Variants in PALS1 observed in about 807,000 individuals in gnomAD.
PALS1 encodes protein PALS1.
Under a neutral mutation model 78.9 loss-of-function variants are expected in PALS1, and 31 were observed. That is an observed-to-expected ratio of 0.39 (90% CI 0.30 to 0.53). The LOEUF is 0.53. PALS1 is among the 20% of genes least tolerant of loss of function. The pLI is 0.67. For missense variants in PALS1, 704 were observed against 826.5 expected (o/e 0.85, Z 1.82); for synonymous variants, 276 against 270.9 (o/e 1.02, Z -0.18).
At chr14:67,313,087 C>T (rs1217976369) in intron 9 of PALS1, among the ~76,000 whole-genome samples, 1 of 152,118 alleles carries the variant, frequency 6.6e-6, no homozygotes, top group Non-Finnish European at 1.5e-5. Flanking sequence ...TATAAGGAGT[C>T]AGGAAAAGTA....
chr14:67,303,403 G>T (rs2084956266), intron 7 of PALS1, 119 bp from the exon 8 acceptor site: 1 of 712,380 alleles, frequency 1.4e-6, no homozygotes, highest in South Asian at 1.7e-5. Flanking sequence ...AGTGCTGCTG[G>T]TCATTTAAGT....
At chr14:67,323,225 A>G (rs769061785) in intron 13 of PALS1, among the ~76,000 whole-genome samples, 7,432 of 110,766 alleles carry the variant, frequency 0.067, 834 homozygotes, top group East Asian at 0.46. Context: ...ATATACACAT[A>G]TATACACGTG....
chr14:67,309,265 A>T (rs1008662730), intron 8 of PALS1, among the ~76,000 whole-genome samples: 6 of 152,198 alleles, frequency 3.9e-5, no homozygotes, highest in African/African-American at 1.4e-4. Flanking sequence ...AGATTGGTGG[A>T]GATAACTTCT....
At chr14:67,272,696 T>C (rs1376426875) in intron 2 of PALS1, among the ~76,000 whole-genome samples, 1 of 152,160 alleles carries the variant, frequency 6.6e-6, no homozygotes, top group Non-Finnish European at 1.5e-5. Context: ...TCTCGCGCTG[T>C]CTCCCAGGCT....
chr14:67,255,003 G>T (rs1595562903), intron 1 of PALS1, among the ~76,000 whole-genome samples: 1 of 152,166 alleles, frequency 6.6e-6, no homozygotes, highest in Non-Finnish European at 1.5e-5. Flanking sequence ...ACAAAAATTA[G>T]CTGGGTGTGG....
chr14:67,279,665 C>T, intron 3 of PALS1, 128 bp downstream of exon 3: 1 of 953,782 alleles, frequency 1.0e-6, no homozygotes, highest in Non-Finnish European at 1.5e-6. Flanking sequence ...GACCAAGATC[C>T]TTTGTTTTCG....
chr14:67,242,290 C>T (rs986230916), intron 1 of PALS1, among the ~76,000 whole-genome samples: 5 of 152,124 alleles, frequency 3.3e-5, no homozygotes, highest in African/African-American at 1.2e-4. Flanking sequence ...AAATTAAAAT[C>T]TGATGGCTAG....
chr14:67,302,091 T>C lies in PALS1; in HGVS notation c.774T>C (p.Arg258=). The change falls in exon 6 of 15, where the codon CGT becomes CGC. Residue 258 remains arginine (R), a synonymous_variant. Transcript: ENST00000261681. ...QYGGETVKIV[R]IEKARDIPLG... is the part of the protein sequence containing the mutation. ...GAGGAGAAACTGTAAAAATAGTTCG[T>C]ATAGAAAAGGCTCGTGATATTCCGT... 6.2e-7 allele frequency: 1 copy of C among 1,606,716 alleles called. No individual in the cohort carries two copies. Among genetic ancestry groups the C allele is most frequent in the Non-Finnish European group, 8.5e-7 (1 of 1,176,748 alleles).
intron 3 of PALS1, among the ~76,000 whole-genome samples, chr14:67,289,961 A>G (rs111326104): frequency 3.3e-5 from 5 of 151,842 alleles, no homozygotes; most frequent in African/African-American, 1.2e-4. Flanking sequence ...TTTAGTAGAG[A>G]CGGGGTTTCA....
rs554043709 is a variant in PALS1, at chr14:67,316,700, G to A, written c.1226-132G>A. On this transcript the variant is annotated intron_variant, in intron 9 of 14. Transcript: ENST00000261681. The stretch of plus-strand genomic sequence containing the variant: ...ACACATCATAGCTGACATTACTCCT[G>A]TGTTGGCAAAAGGATTTGGAAGGGA... 4.0e-5 allele frequency: 25 copies of A among 625,144 alleles called. 1 individual carries two copies. In the South Asian group the frequency reaches 5.6e-4, roughly 14 times the overall value. 38.7% of individuals were successfully genotyped at this position (625,144 alleles called of 1,614,324 possible).
At chr14:67,268,497 A>G (rs2084364536) in intron 1 of PALS1, among the ~76,000 whole-genome samples, 1 of 152,192 alleles carries the variant, frequency 6.6e-6, no homozygotes, top group Non-Finnish European at 1.5e-5. Context: ...TTACTTCTTG[A>G]TTATATTCTA....
At chr14:67,320,977 AT>A (rs1459474533) in intron 12 of PALS1, 79 bp from the exon 13 acceptor site, 1 of 1,179,622 alleles carries the variant, frequency 8.5e-7, no homozygotes, top group East Asian at 2.4e-5. Flanking sequence ...CAAAATAGAA[AT>A]TCTTTCTGAC....
intron 9 of PALS1, among the ~76,000 whole-genome samples, chr14:67,316,129 A>G (rs904066359): frequency 2.0e-5 from 3 of 152,238 alleles, no homozygotes; most frequent in African/African-American, 7.2e-5. Context: ...ACCTCAACGT[A>G]ATTCAGAATC....
intron 2 of PALS1, among the ~76,000 whole-genome samples, chr14:67,273,288 A>T (rs1303037373): frequency 2.0e-5 from 3 of 147,110 alleles, no homozygotes; most frequent in Admixed American, 2.0e-4. Flanking sequence ...CAACCCCACG[A>T]CAGGCCCCGA....
rs1491090879 is a variant in PALS1 at position 67,289,768 on chromosome 14, C to CTTT, written c.368-2743_368-2742insTTT. Among the ~76,000 whole-genome samples the CTTT allele has an allele frequency of 1.3e-3, 126 of 95,448 alleles. 34 individuals are homozygous for CTTT. Among genetic ancestry groups the CTTT allele is most frequent in the Non-Finnish European group, 1.3e-3 (59 of 46,840 alleles). The allele number at this position is 95,448 out of a possible 152,430, so 62.6% of individuals were successfully genotyped here. ...ACATTGGGAAGATTTTTTTCCATGT[C>CTTT]CTTTTTTTTTTTTTTTTTTTTTGAG... On this transcript the variant is annotated intron_variant, in intron 3 of 14. Transcript: ENST00000261681.
At chr14:67,262,371 G>A (rs1264841783) in intron 1 of PALS1, among the ~76,000 whole-genome samples, 1 of 151,870 alleles carries the variant, frequency 6.6e-6, no homozygotes, top group African/African-American at 2.4e-5. Context: ...TCCCCGCCTC[G>A]AATCCAGAGA....
chr14:67,320,505 T>C, intron 12 of PALS1, 108 bp downstream of exon 12: 1 of 1,050,536 alleles, frequency 9.5e-7, no homozygotes, highest in Admixed American at 3.2e-5. Context: ...AACACTGTTG[T>C]CAGTGAAAGA....
At chr14:67,318,926 C>T (rs1379367238) in intron 11 of PALS1, among the ~76,000 whole-genome samples, 1 of 151,938 alleles carries the variant, frequency 6.6e-6, no homozygotes, top group African/African-American at 2.4e-5. Context: ...GGCGTGATGG[C>T]GGGTGCCTGT....
rs746243353 is a variant in PALS1 at position 67,323,717 on chromosome 14, C to T, written c.1756C>T (p.Arg586Trp). 2.9e-5 allele frequency: 45 copies of T among 1,576,804 alleles called. No individual in the cohort carries two copies. Among genetic ancestry groups the T allele is most frequent in the Admixed American group, 7.5e-5 (4 of 53,066 alleles). Residue 586 changes from arginine (R) to tryptophan (W), a missense_variant, in exon 14 of 15, where the codon CGG becomes TGG. Physicochemically the swap from Arg to Trp is moderately radical, Grantham distance 101. Transcript: ENST00000261681. ...SLRTQSLKTLRNSDLKPYIIF... is the reference protein window; with the variant it reads ...SLRTQSLKTLWNSDLKPYIIF... ...CTCTTTACAGTCATTGAAGACTCTC[C>T]GGAATTCAGATTTGAAACCATATAT...
Sources: gnomAD v4.1 joint callset for allele counts (sites outside exome capture counted in the v4.1 genomes callset) on GRCh38, gnomAD v4.1.1 for gene constraint, MANE v1.5 for transcripts, NCBI Gene and HGNC (gene_info 2026-07-23, HGNC 2026-07-21) for gene names.